PTER: variants seen among roughly 807,000 people sequenced by gnomAD.
PTER encodes N-acetyltaurine hydrolase.
PTER carries 38 observed loss-of-function variants against 29.6 expected under a neutral mutation model. The ratio of observed to expected loss-of-function variants is 1.28; its 90% confidence interval spans 0.99 to 1.68. The LOEUF is 1.68. Among genes scored for constraint, PTER ranks in the 40% most tolerant of loss-of-function variants. PTER has a pLI of 0.00. For missense variants in PTER, 482 were observed against 427.8 expected (o/e 1.13, Z -1.12); for synonymous variants, 172 against 154.5 (o/e 1.11, Z -0.84).
Position 16,479,569 on chromosome 10 carries a change from G to A in PTER, c.-48-4768G>A, listed in dbSNP as rs563908450. On this transcript the variant is annotated intron_variant, in intron 1 of 4. Coordinates refer to ENST00000535784, the MANE Select transcript of PTER (RefSeq NM_001261836.2). ...AGTGCAGTGTTTCTAGAGTGCAGCCGCGCTCTGTGATGTAACACTTCAAAA... is the reference window on the plus strand; with the variant it reads ...AGTGCAGTGTTTCTAGAGTGCAGCCACGCTCTGTGATGTAACACTTCAAAA... Among the ~76,000 whole-genome samples, 430 of 152,162 alleles carry A rather than the reference G, an allele frequency of 2.8e-3. 2 individuals carry two copies. The highest frequency in any genetic ancestry group is 3.3e-3 in the Non-Finnish European group (224 of 67,980).
downstream of PTER, among the ~76,000 whole-genome samples, chr10:16,516,119 G>A (rs117891569): frequency 1.2e-4 from 19 of 152,226 alleles, no homozygotes; most frequent in East Asian, 3.1e-3. Context: ...GTCTTTCTGG[G>A]TATCACATAG....
intron 1 of PTER, among the ~76,000 whole-genome samples, chr10:16,454,322 C>T (rs1834316671): frequency 6.6e-6 from 1 of 152,062 alleles, no homozygotes; most frequent in Non-Finnish European, 1.5e-5. Flanking sequence ...CGCCTGTAAT[C>T]CCAACACTTT....
intron 1 of PTER, among the ~76,000 whole-genome samples, chr10:16,460,236 A>G (rs1360852058): frequency 6.6e-6 from 1 of 152,200 alleles, no homozygotes; most frequent in East Asian, 1.9e-4. Context: ...CCTCTTTTTT[A>G]GGCTAAGATG....
At chr10:16,508,107 C>T (rs1449823461) in intron 4 of PTER, among the ~76,000 whole-genome samples, 33 of 126,570 alleles carry the variant, frequency 2.6e-4, no homozygotes, top group Non-Finnish European at 4.5e-4. Flanking sequence ...CTTGCTCTGT[C>T]GCCCAGGCAG....
Position 16,471,149 on chromosome 10 carries a change from A to G in PTER, c.-48-13188A>G, listed in dbSNP as rs1029468791. Among the ~76,000 whole-genome samples the G allele has an allele frequency of 2.2e-4, 34 of 152,200 alleles. 1 individual carries two copies. Among genetic ancestry groups the G allele is most frequent in the Admixed American group, 1.9e-3 (29 of 15,270 alleles). The stretch of plus-strand genomic sequence containing the variant: ...AGCTTGAATTGAATTAAAATGAACC[A>G]TAGCACTAGAAAGGCATGTAATTTG... On this transcript the variant is annotated intron_variant, in intron 1 of 4. Transcript: ENST00000535784.
intron 1 of PTER, among the ~76,000 whole-genome samples, chr10:16,439,551 G>A (rs1386267953): frequency 2.0e-5 from 3 of 152,080 alleles, no homozygotes; most frequent in African/African-American, 7.3e-5. Flanking sequence ...TTTAGAGATT[G>A]TCTCAGTTTT....
chr10:16,452,979 A>G (rs554630350), intron 1 of PTER, among the ~76,000 whole-genome samples: 1 of 151,962 alleles, frequency 6.6e-6, no homozygotes, highest in African/African-American at 2.4e-5. Context: ...CAAACTCCTG[A>G]CCTCAAGTGA....
intron 3 of PTER, among the ~76,000 whole-genome samples, chr10:16,499,947 C>G (rs183647773): frequency 1.3e-5 from 2 of 151,674 alleles, no homozygotes; most frequent in African/African-American, 4.8e-5. Flanking sequence ...CTCTGTGTTT[C>G]GTCTCAAACT....
chr10:16,473,673 G>T (rs1370483350), intron 1 of PTER, among the ~76,000 whole-genome samples: 6 of 151,546 alleles, frequency 4.0e-5, no homozygotes, highest in African/African-American at 1.2e-4. Flanking sequence ...CAAGTAATAA[G>T]ATGCAAAGAG....
intron 1 of PTER, among the ~76,000 whole-genome samples, chr10:16,471,946 G>A (rs987141230): frequency 1.3e-5 from 2 of 152,106 alleles, no homozygotes; most frequent in Non-Finnish European, 2.9e-5. Flanking sequence ...CAGACAAGTT[G>A]GGCAAATTTG....
At chr10:16,501,733 A>G (rs929574309) in intron 3 of PTER, among the ~76,000 whole-genome samples, 1 of 152,216 alleles carries the variant, frequency 6.6e-6, no homozygotes, top group Non-Finnish European at 1.5e-5. Flanking sequence ...AAAAAACAAT[A>G]TTTAGCAATA....
At chr10:16,483,092 T>G (rs1835541907) in intron 1 of PTER, among the ~76,000 whole-genome samples, 1 of 152,174 alleles carries the variant, frequency 6.6e-6, no homozygotes, top group South Asian at 2.1e-4. Context: ...CATTTAATTT[T>G]TAATTTAAAC....
chr10:16,468,986 A>G (rs555042060), intron 1 of PTER, among the ~76,000 whole-genome samples: 1 of 151,316 alleles, frequency 6.6e-6, no homozygotes, highest in African/African-American at 2.4e-5. Context: ...TAAAAAAAAA[A>G]GCCAAAAAAC....
chr10:16,517,058 C>A (rs1180919288), downstream of PTER, among the ~76,000 whole-genome samples: 1 of 152,176 alleles, frequency 6.6e-6, no homozygotes, highest in Non-Finnish European at 1.5e-5. Flanking sequence ...ACAATTCTTT[C>A]AAGCCATCAA....
Position 16,486,546 on chromosome 10 carries a change from A to T in PTER, c.627A>T (p.Pro209=). 1 of 1,613,978 alleles carries T rather than the reference A, an allele frequency of 6.2e-7. No homozygotes were observed. The highest frequency in any genetic ancestry group is 1.1e-5 in the South Asian group (1 of 91,076). Residue 209 remains proline, a synonymous_variant, in exon 3 of 5, where the codon CCA becomes CCT. Coordinates refer to ENST00000535784, the MANE Select transcript of PTER (RefSeq NM_001261836.2). ...IIHPGRSSRA[P]FQIIRILQEA... is the part of the protein sequence containing the mutation. ...ATCCTGGACGGAGCTCCAGGGCACC[A>T]TTTCAGATTATCCGAATATTGCAAG...
chr10:16,496,266 T>G (rs1044209440), intron 3 of PTER, among the ~76,000 whole-genome samples: 1 of 152,194 alleles, frequency 6.6e-6, no homozygotes, highest in Non-Finnish European at 1.5e-5. Context: ...CAAATCTAAT[T>G]ATATCCCTGA....
At chr10:16,437,427 C>T (rs953257962) in intron 1 of PTER, 4 of 151,790 alleles carry the variant, frequency 2.6e-5, no homozygotes, top group Admixed American at 2.0e-4. Flanking sequence ...CAGCCTCGAC[C>T]TCCTGAGCTC....
At chr10:16,465,824 T>G (rs1442312298) in intron 1 of PTER, among the ~76,000 whole-genome samples, 1 of 152,000 alleles carries the variant, frequency 6.6e-6, no homozygotes, top group African/African-American at 2.4e-5. Context: ...AAAATTGTGG[T>G]GGAAGGGGAA....
At chr10:16,459,698 A>G (rs1482445163) in intron 1 of PTER, among the ~76,000 whole-genome samples, 4 of 152,002 alleles carry the variant, frequency 2.6e-5, no homozygotes, top group Non-Finnish European at 5.9e-5. Context: ...TTTGCTTTGC[A>G]CTTAGATATG....
Sources: gnomAD v4.1 joint callset for allele counts (sites outside exome capture counted in the v4.1 genomes callset) on GRCh38, gnomAD v4.1.1 for gene constraint, MANE v1.5 for transcripts, NCBI Gene and HGNC (gene_info 2026-07-23, HGNC 2026-07-21) for gene names.